MAP2: variants seen among roughly 807,000 people sequenced by gnomAD.
The protein encoded by MAP2 is microtubule-associated protein 2.
MAP2 carries 14 observed loss-of-function variants against 137.6 expected under a neutral mutation model. The ratio of observed to expected loss-of-function variants is 0.10; its 90% CI spans 0.07 to 0.16. The LOEUF (loss-of-function observed/expected upper bound fraction) is 0.16. MAP2 is among the 10% of genes least tolerant of loss of function. The pLI is 1.00. For synonymous variants in MAP2, 786 were observed against 782.3 expected (o/e 1.00, Z -0.08); for missense variants, 2,088 against 2,191.5 (o/e 0.95, Z 0.94).
chr2:209,434,858 A>G (rs1373526089), intron 1 of MAP2, among the ~76,000 whole-genome samples: 2 of 112,136 alleles, frequency 1.8e-5, no homozygotes, highest in Admixed American at 9.3e-5. Context: ...TGTTATATAT[A>G]TATGTTATAT....
intron 2 of MAP2, among the ~76,000 whole-genome samples, chr2:209,525,437 A>G (rs55703768): frequency 0.21 from 32,476 of 152,056 alleles, 4,584 homozygotes; most frequent in African/African-American, 0.4. Flanking sequence ...AGCAATTTTC[A>G]TGTGAAAAAT....
intron 3 of MAP2, among the ~76,000 whole-genome samples, chr2:209,624,225 C>T (rs759280355): frequency 1.2e-4 from 19 of 152,062 alleles, no homozygotes; most frequent in South Asian, 1.0e-3. Flanking sequence ...GAAGATATGA[C>T]GGGGTCCACT....
intron 5 of MAP2, among the ~76,000 whole-genome samples, chr2:209,671,048 G>A (rs1031083920): frequency 4.6e-5 from 7 of 151,736 alleles, no homozygotes; most frequent in South Asian, 2.1e-4. Flanking sequence ...ATTTGTCTTC[G>A]TTAACTAACT....
Position 209,696,581 on chromosome 2 carries a change from T to C in MAP2, c.4220T>C (p.Ile1407Thr), listed in dbSNP as rs1376688539. Residue 1407 changes from isoleucine to threonine, a missense_variant, in exon 9 of 16, where the codon ATT (isoleucine) becomes ACT (threonine). Coordinates refer to ENST00000682079, the MANE Select transcript of MAP2 (RefSeq NM_001375505.1). ...ATCATGACAGAACAGTTAGAAACTA[T>C]TCCTAAAGAGGAGAAAGCTGAAAAG... ...RSIMTEQLET[I>T]PKEEKAEKEA... 8.1e-6 allele frequency: 13 copies of C among 1,613,736 alleles called. No homozygotes were observed. Among genetic ancestry groups the C allele is most frequent in the Non-Finnish European group, 1.1e-5 (13 of 1,179,948 alleles).
intron 1 of MAP2, among the ~76,000 whole-genome samples, chr2:209,505,903 T>C (rs1304624009): frequency 1.3e-5 from 2 of 151,404 alleles, no homozygotes; most frequent in Non-Finnish European, 2.9e-5. Context: ...GCCTGGGAGG[T>C]TGAGGCTGTA....
chr2:209,727,944 A>C (rs2074653406), intron 14 of MAP2, among the ~76,000 whole-genome samples: 1 of 152,148 alleles, frequency 6.6e-6, no homozygotes, highest in South Asian at 2.1e-4. Context: ...AAGACAGTTC[A>C]TAGTGAGAGT....
At chr2:209,691,633 A>T (rs2058932783) in intron 7 of MAP2, among the ~76,000 whole-genome samples, 1 of 152,228 alleles carries the variant, frequency 6.6e-6, no homozygotes, top group Admixed American at 6.5e-5. Flanking sequence ...CTTAAAACAC[A>T]AGTGGGACAA....
rs1189913536 is a variant in MAP2 at position 209,730,891 on chromosome 2, A to G, written c.*494A>G. ...AAGTTTTTTTAAAGTGTTATTTTGT[A>G]TAAATGGGAAGAAAGATTCAATTAA... is the stretch of plus-strand genomic sequence containing the variant. On this transcript the variant is annotated 3_prime_UTR_variant, in exon 16 of 16. Coordinates refer to ENST00000682079, the MANE Select transcript of MAP2 (RefSeq NM_001375505.1). The G allele has an allele frequency of 6.5e-6, 1 of 154,898 alleles. No homozygotes were observed. The highest frequency in any genetic ancestry group is 1.9e-4 in the East Asian group (1 of 5,284). The allele number at this position is 154,898 out of a possible 1,614,324, so 9.6% of individuals were successfully genotyped here. A position where few individuals can be genotyped will look rare whatever the true frequency, so the allele number is the denominator to read the frequency against.
intron 11 of MAP2, 56 bp downstream of exon 11, chr2:209,700,394 G>GT (rs1256132077): frequency 7.6e-7 from 1 of 1,308,644 alleles, no homozygotes; most frequent in Non-Finnish European, 1.1e-6. Context: ...GGTATTAGCT[G>GT]TAACATCAGA....
chr2:209,676,625 T>A (rs758476604), intron 5 of MAP2, among the ~76,000 whole-genome samples: 4 of 150,250 alleles, frequency 2.7e-5, no homozygotes, highest in Non-Finnish European at 4.4e-5. Flanking sequence ...ACCAGCACAA[T>A]TCCATGTGAG....
At chr2:209,463,466 CCT>C (rs1703364378) in intron 1 of MAP2, among the ~76,000 whole-genome samples, 1 of 151,966 alleles carries the variant, frequency 6.6e-6, no homozygotes, top group Admixed American at 6.6e-5. Flanking sequence ...CTTTTTTTGG[CCT>C]CTCTCTGGGG....
chr2:209,434,867 ATATATGT>A (rs1265823462), intron 1 of MAP2, among the ~76,000 whole-genome samples: 1 of 95,850 alleles, frequency 1.0e-5, no homozygotes, highest in Non-Finnish European at 2.4e-5. Context: ...TATATGTTAT[ATATATGT>A]TATATATATG....
intron 2 of MAP2, among the ~76,000 whole-genome samples, chr2:209,511,717 G>A (rs2061746258): frequency 6.6e-6 from 1 of 151,962 alleles, no homozygotes; most frequent in Non-Finnish European, 1.5e-5. Flanking sequence ...GAGTACAGGT[G>A]TGTGCCACCA....
At chr2:209,488,667 G>A (rs751984487) in intron 1 of MAP2, among the ~76,000 whole-genome samples, 1 of 152,184 alleles carries the variant, frequency 6.6e-6, no homozygotes, top group Non-Finnish European at 1.5e-5. Context: ...AAACAAAGCT[G>A]CCAGGCAGTT....
At chr2:209,517,850 A>T (rs563931325) in intron 2 of MAP2, among the ~76,000 whole-genome samples, 16 of 145,918 alleles carry the variant, frequency 1.1e-4, no homozygotes, top group Non-Finnish European at 1.5e-4. Flanking sequence ...GAGGTGAATG[A>T]TAACCAAACA....
chr2:209,700,555 G>A (rs1032171620), intron 11 of MAP2, among the ~76,000 whole-genome samples: 4 of 152,140 alleles, frequency 2.6e-5, no homozygotes, highest in Non-Finnish European at 5.9e-5. Context: ...CAGCTGGACT[G>A]CTTCCTTACT....
intron 4 of MAP2, among the ~76,000 whole-genome samples, chr2:209,627,426 T>C (rs993342359): frequency 4.5e-4 from 68 of 152,096 alleles, no homozygotes; most frequent in Admixed American, 2.2e-3. Context: ...ACTAACCTTT[T>C]TGGGCAAATT....
chr2:209,523,672 T>A (rs1282608331), intron 2 of MAP2, among the ~76,000 whole-genome samples: 8 of 152,202 alleles, frequency 5.3e-5, no homozygotes, highest in Admixed American at 5.2e-4. Flanking sequence ...AAGAAATCTC[T>A]TCAAACTGCA....
rs530776902 is a variant in MAP2, at chr2:209,491,486, C to CA, written c.-221-16099dup. ...GGAGAGAGAGACATGAAACACCCTT[C>CA]AAAAAAATCAGTGAATCCAGGAGCT... On this transcript the variant is annotated intron_variant, in intron 1 of 15. Coordinates refer to ENST00000682079, the MANE Select transcript of MAP2 (RefSeq NM_001375505.1). Among the ~76,000 whole-genome samples, 537 of 152,004 alleles carry CA rather than the reference C, an allele frequency of 3.5e-3. 5 individuals carry two copies. Among genetic ancestry groups the CA allele is most frequent in the African/African-American group, 0.012 (507 of 41,482 alleles).
Sources: gnomAD v4.1 joint callset for allele counts (sites outside exome capture counted in the v4.1 genomes callset) on GRCh38, gnomAD v4.1.1 for gene constraint, MANE v1.5 for transcripts, NCBI Gene and HGNC (gene_info 2026-07-23, HGNC 2026-07-21) for gene names.